Variants in ARV1 observed in about 807,000 individuals in gnomAD.
The protein encoded by ARV1 is ARV1 fatty acid homeostasis modulator.
ARV1 carries 26 observed loss-of-function variants against 31.1 expected under a neutral mutation model. That is an observed-to-expected ratio of 0.84 (90% CI 0.61 to 1.16). The LOEUF is 1.16. ARV1 is among the 50% of genes most tolerant of loss of function. The pLI is 0.00. For missense variants in ARV1, 281 were observed against 324.9 expected, an observed-to-expected ratio of 0.86 and a Z score of 1.04; for synonymous variants, 117 against 123.2, an observed-to-expected ratio of 0.95 and a Z score of 0.34.
intron 3 of ARV1, 72 bp from the exon 4 acceptor site, chr1:230,995,688 G>A: frequency 8.8e-7 from 1 of 1,134,310 alleles, no homozygotes; most frequent in Non-Finnish European, 1.3e-6. Context: ...TTAGAATGGT[G>A]GTTTATTTGT....
At chr1:230,988,295 C>T in intron 1 of ARV1, 25 bp from the exon 2 acceptor site, 1 of 1,572,712 alleles carries the variant, frequency 6.4e-7, no homozygotes, top group South Asian at 1.1e-5. Context: ...TTTGCTTGTT[C>T]TAATATTATC....
At chr1:230,983,631 G>T (rs186727874) in intron 1 of ARV1, among the ~76,000 whole-genome samples, 2 of 152,188 alleles carry the variant, frequency 1.3e-5, no homozygotes, top group African/African-American at 4.8e-5. Context: ...GGAGCTTAAA[G>T]ACTTAAAGAA....
intron 1 of ARV1, among the ~76,000 whole-genome samples, chr1:230,984,349 T>TGTGTGTGC (rs1239726713): frequency 2.8e-5 from 2 of 70,212 alleles, no homozygotes; most frequent in Non-Finnish European, 5.9e-5. Context: ...GTTTCGTGTG[T>TGTGTGTGC]GTGTGTGTGT....
rs1278300143 is a variant in ARV1 at position 230,984,369 on chromosome 1, T to TGCGCGTGC, written c.175-3950_175-3949insCGCGTGCG. Among the ~76,000 whole-genome samples, 359 of 88,514 alleles carry TGCGCGTGC rather than the reference T, an allele frequency of 4.1e-3. 2 individuals are homozygous for TGCGCGTGC. The highest frequency in any genetic ancestry group is 7.2e-3 in the Non-Finnish European group (283 of 39,580). 58.1% of individuals were successfully genotyped at this position (88,514 alleles called of 152,430 possible). A position where few individuals can be genotyped will look rare whatever the true frequency, so the allele number is the denominator to read the frequency against. On this transcript the variant is annotated intron_variant, in intron 1 of 5. Transcript: ENST00000310256. ...GTGTGTGTGTGTGTGTGTGCGTGTG[T>TGCGCGTGC]GTGTGTGTGTGTGTGTGTGTGTGTG...
intron 1 of ARV1, among the ~76,000 whole-genome samples, chr1:230,987,454 G>A (rs1390177189): frequency 2.0e-5 from 3 of 152,210 alleles, no homozygotes; most frequent in African/African-American, 7.2e-5. Flanking sequence ...TTTCTAATGA[G>A]CTTGTTTGTG....
Position 230,997,074 on chromosome 1 carries a change from T to C in ARV1, c.674-47T>C, listed in dbSNP as rs112834858. On this transcript the variant is annotated intron_variant, in intron 4 of 5. Transcript: ENST00000310256. ...TACTACCCGAAAATTTACATGTCAA[T>C]ATCGTTTCATTAATTCTGAACTTAT... 1.2e-3 allele frequency: 1,859 copies of C among 1,592,702 alleles called. 17 individuals are homozygous for C. The African/African-American group carries it at 0.022, about 19-fold the overall frequency.
rs140251959 is a variant in ARV1 at position 230,979,178 on chromosome 1, G to T, written c.73G>T (p.Ala25Ser). Residue 25 changes from alanine (A) to serine (S), a missense_variant, in exon 1 of 6, where the codon GCT becomes TCT. Transcript: ENST00000310256. ...GGATGGGGTGGCAGCGACTCCTACT[G>T]CTGCCTCGGCCTCCTGCCAGTACAG... ...NVDGVAATPT[A>S]ASASCQYRCI... The T allele has an allele frequency of 6.8e-4, 1,101 of 1,613,244 alleles. 5 individuals carry two copies. Among genetic ancestry groups the T allele is most frequent in the South Asian group, 3.4e-3 (307 of 90,968 alleles).
At chr1:230,988,631 A>G (rs10779806) in intron 2 of ARV1, among the ~76,000 whole-genome samples, 192 bp downstream of exon 2, 49,778 of 151,748 alleles carry the variant, frequency 0.33, 8,388 homozygotes, top group Middle Eastern at 0.57. Context: ...AAGGTGCACA[A>G]TGCTTAGTGA....
intron 1 of ARV1, among the ~76,000 whole-genome samples, chr1:230,987,876 T>A (rs1359549699): frequency 1.3e-5 from 2 of 152,222 alleles, no homozygotes; most frequent in Non-Finnish European, 2.9e-5. Flanking sequence ...TTTCTCCAAA[T>A]CATGTGCCAA....
intron 1 of ARV1, chr1:230,979,649 C>G (rs537870484): frequency 8.2e-6 from 2 of 244,974 alleles, no homozygotes; most frequent in African/African-American, 4.7e-5. Flanking sequence ...CCTCCACAAC[C>G]CATGTTGAAT....
chr1:230,979,999 C>A (rs998884480), intron 1 of ARV1, among the ~76,000 whole-genome samples: 5 of 152,168 alleles, frequency 3.3e-5, no homozygotes, highest in African/African-American at 1.2e-4. Flanking sequence ...ACAGAATAGA[C>A]AGTACATTTT....
At chr1:230,982,565 T>C (rs1678938414) in intron 1 of ARV1, among the ~76,000 whole-genome samples, 1 of 152,218 alleles carries the variant, frequency 6.6e-6, no homozygotes. Context: ...TCCCAAGAGA[T>C]GGACTTTGGA....
chr1:230,982,942 C>A (rs937537417), intron 1 of ARV1, among the ~76,000 whole-genome samples: 5 of 151,990 alleles, frequency 3.3e-5, no homozygotes, highest in Non-Finnish European at 7.4e-5. Flanking sequence ...CCTGATCGCC[C>A]ACGTGTATTT....
chr1:230,984,984 G>A (rs1679024392), intron 1 of ARV1, among the ~76,000 whole-genome samples: 1 of 152,170 alleles, frequency 6.6e-6, no homozygotes, highest in Non-Finnish European at 1.5e-5. Flanking sequence ...AGGGGGTTGG[G>A]TAATGAGCCC....
chr1:230,986,754 C>T (rs951651152), intron 1 of ARV1, among the ~76,000 whole-genome samples: 20 of 125,872 alleles, frequency 1.6e-4, no homozygotes, highest in African/African-American at 6.0e-4. Flanking sequence ...CCAGGATGGG[C>T]TCGAACTTCT....
intron 1 of ARV1, among the ~76,000 whole-genome samples, chr1:230,984,369 T>TGTGTGTGTGTGTGC (rs1679000262): frequency 1.1e-5 from 1 of 88,460 alleles, no homozygotes; most frequent in Non-Finnish European, 2.5e-5. Context: ...TGTGCGTGTG[T>TGTGTGTGTGTGTGC]GTGTGTGTGT....
chr1:230,985,312 G>A (rs1482623805), intron 1 of ARV1, among the ~76,000 whole-genome samples: 2 of 152,116 alleles, frequency 1.3e-5, no homozygotes, highest in East Asian at 1.9e-4. Flanking sequence ...TTATCCCATT[G>A]TAGCCGTTGG....
chr1:230,998,549 C>T (rs895625463), intron 5 of ARV1, among the ~76,000 whole-genome samples: 2 of 152,164 alleles, frequency 1.3e-5, no homozygotes, highest in African/African-American at 4.8e-5. Flanking sequence ...CCTGTTTCTT[C>T]ACTGCCTTTC....
chr1:230,995,216 T>G (rs1053113206), intron 3 of ARV1, among the ~76,000 whole-genome samples: 10 of 152,202 alleles, frequency 6.6e-5, no homozygotes, highest in Admixed American at 6.5e-4. Flanking sequence ...ATGAATACTT[T>G]CTGGAAGTGT....
Sources: gnomAD v4.1 joint callset for allele counts (sites outside exome capture counted in the v4.1 genomes callset) on GRCh38, gnomAD v4.1.1 for gene constraint, MANE v1.5 for transcripts, NCBI Gene and HGNC (gene_info 2026-07-23, HGNC 2026-07-21) for gene names.